Variants in GDF11 observed in about 807,000 individuals in gnomAD.
GDF11 encodes growth differentiation factor 11.
A neutral mutation model predicts 34.4 loss-of-function variants in GDF11; 12 were observed. That is an observed-to-expected ratio of 0.35 (90% confidence interval 0.22 to 0.57). GDF11 has a LOEUF of 0.57. GDF11 is among the 20% of genes least tolerant of loss of function. The pLI is 0.86. For missense variants in GDF11, 346 were observed against 548.2 expected (o/e 0.63, Z 3.68); for synonymous variants, 212 against 231.1 (o/e 0.92, Z 0.75).
rs1878260839 is a variant in GDF11 at position 55,749,625 on chromosome 12, G to C, written c.967G>C (p.Glu323Gln). Residue 323 changes from glutamate (E) to glutamine (Q), a missense_variant, in exon 3 of 3, where the codon GAG becomes CAG. Around this residue, in one of 3 missense-constraint regions of GDF11, gnomAD observed 205 missense variants for 311.3 expected, o/e 0.66. Transcript: ENST00000257868. The surrounding 1 kb of genome is among the most constrained non-coding windows in gnomAD (Gnocchi z 5.6). ...CCGATATCCCCTCACAGTGGACTTT[G>C]AGGCTTTCGGCTGGGACTGGATCAT... ...CCRYPLTVDF[E>Q]AFGWDWIIAP... 1.2e-6 allele frequency: 2 copies of C among 1,614,178 alleles called. No homozygotes were observed. The highest frequency in any genetic ancestry group is 1.7e-6 in the Non-Finnish European group (2 of 1,180,034).
At chr12:55,746,083 A>G (rs1878179885) in intron 1 of GDF11, among the ~76,000 whole-genome samples, 1 of 152,070 alleles carries the variant, frequency 6.6e-6, no homozygotes, top group African/African-American at 2.4e-5. Flanking sequence ...AGCGCCGCCT[A>G]CTAAACCTGA....
intron 1 of GDF11, among the ~76,000 whole-genome samples, chr12:55,745,979 T>A: frequency 6.6e-6 from 1 of 151,388 alleles, no homozygotes; most frequent in East Asian, 2.0e-4. Flanking sequence ...AGTGTGTGTG[T>A]TTGGGGGGGT....
rs1878485500 is a variant in GDF11, at chr12:55,755,698, G to C, written c.*5816G>C. ...AGTATGTGGAGAATGACTATAATGA[G>C]ATAGGAAGGGGAGGACTTCATCTGG... On this transcript the variant is annotated 3_prime_UTR_variant, in exon 3 of 3. Transcript: ENST00000257868. 6.6e-6 allele frequency: 1 copy of C among 152,048 alleles called. No homozygotes were observed. The highest frequency in any genetic ancestry group is 1.5e-5 in the Non-Finnish European group (1 of 68,036). 9.4% of individuals were successfully genotyped at this position (152,048 alleles called of 1,614,324 possible).
rs1162358307 is a variant in GDF11 at position 55,752,609 on chromosome 12, T to C, written c.*2727T>C. On this transcript the variant is annotated 3_prime_UTR_variant, in exon 3 of 3. Transcript: ENST00000257868. ...TGTAATTATCATTTATTTTGTGTAT[T>C]TGTCACATTGTGTGCATGACAGCCT... 6.6e-6 allele frequency: 1 copy of C among 152,174 alleles called. No homozygotes were observed. The allele number at this position is 152,174 out of a possible 1,614,324, so 9.4% of individuals were successfully genotyped here.
chr12:55,743,956 G>A (rs1878123210), intron 1 of GDF11, among the ~76,000 whole-genome samples, 195 bp downstream of exon 1: 1 of 152,214 alleles, frequency 6.6e-6, no homozygotes, highest in Admixed American at 6.5e-5. Flanking sequence ...TTGTATGCAC[G>A]CCTAGTTCCC....
chr12:55,746,678 C>T (rs1257553747), intron 1 of GDF11, among the ~76,000 whole-genome samples: 3 of 152,180 alleles, frequency 2.0e-5, no homozygotes, highest in African/African-American at 7.2e-5. Context: ...GTAGAGAATG[C>T]GAAAATAGTA....
rs1169819186 is a variant in GDF11, at chr12:55,748,139, A to C, written c.446-447A>C. 6.6e-6 allele frequency among the ~76,000 whole-genome samples: 1 copy of C among 152,134 alleles called. No homozygotes were observed. Among genetic ancestry groups the C allele is most frequent in the African/African-American group, 2.4e-5 (1 of 41,416 alleles). On this transcript the variant is annotated intron_variant, in intron 1 of 2. Coordinates refer to ENST00000257868, the MANE Select transcript of GDF11 (RefSeq NM_005811.5). This position sits in a 1 kb window ranked among gnomAD's most constrained non-coding sequence, Gnocchi z 5.6. Reference sequence around the variant, plus strand: ...ATCTGTGTTATTTTGTGGGGGAGGGATGTGCCAGGCTCTACCTGTCCAGCA... The same window carrying C: ...ATCTGTGTTATTTTGTGGGGGAGGGCTGTGCCAGGCTCTACCTGTCCAGCA...
At chr12:55,746,204 T>A (rs1480592532) in intron 1 of GDF11, among the ~76,000 whole-genome samples, 1 of 152,202 alleles carries the variant, frequency 6.6e-6, no homozygotes, top group Non-Finnish European at 1.5e-5. Flanking sequence ...CGTTTCCCTC[T>A]GTGGCTCTAC....
chr12:55,745,152 G>T (rs893804339), intron 1 of GDF11, among the ~76,000 whole-genome samples: 1 of 152,056 alleles, frequency 6.6e-6, no homozygotes, highest in African/African-American at 2.4e-5. Context: ...GGGGTAGGGG[G>T]TGGGGTTTCT....
rs1878465523 is a variant in GDF11 at position 55,755,129 on chromosome 12, C to T, written c.*5247C>T. 1 of 152,034 alleles carries T rather than the reference C, an allele frequency of 6.6e-6. No individual in the cohort carries two copies. The allele number at this position is 152,034 out of a possible 1,614,324, so 9.4% of individuals were successfully genotyped here. On this transcript the variant is annotated 3_prime_UTR_variant, in exon 3 of 3. Transcript: ENST00000257868. ...CAATAATCAGAAATAAGTGGCATTG[C>T]CAGAGGCCCTCATATAAGAGAACAG...
exon 3 of GDF11, chr12:55,757,261 AAC>A (rs1001542389): frequency 2.9e-5 from 10 of 349,370 alleles, no homozygotes; most frequent in Non-Finnish European, 4.2e-5. Flanking sequence ...CACCTAATAA[AAC>A]ACATTGTTCT....
Position 55,749,054 on chromosome 12 carries a change from G to A in GDF11, c.843+71G>A. 3 of 1,425,892 alleles carry A rather than the reference G, an allele frequency of 2.1e-6. No individual in the cohort carries two copies. Among genetic ancestry groups the A allele is most frequent in the South Asian group, 1.4e-5 (1 of 71,774 alleles). The allele number at this position is 1,425,892 out of a possible 1,614,324, so 88.3% of individuals were successfully genotyped here. On this transcript the variant is annotated intron_variant, in intron 2 of 2. Coordinates refer to ENST00000257868, the MANE Select transcript of GDF11 (RefSeq NM_005811.5). This position sits in a 1 kb window ranked among gnomAD's most constrained non-coding sequence, Gnocchi z 5.6. ...AGGAGATAGGGTTACATTGGAAAAG[G>A]TAGACAAGGAATGTGAAGGAGGTTG... is the stretch of plus-strand genomic sequence containing the variant.
At position 55,748,876 on chromosome 12, in the gene GDF11, A is replaced by G. The variant is rs1276082820; in HGVS notation, c.736A>G (p.Ser246Gly). 6.2e-7 allele frequency: 1 copy of G among 1,612,224 alleles called. No homozygotes were observed. Among genetic ancestry groups the G allele is most frequent in the South Asian group, 1.1e-5 (1 of 91,048 alleles). ...QSIDFKQVLH[S>G]WFRQPQSNWG... ...CATCGACTTCAAGCAAGTGCTACAC[A>G]GCTGGTTCCGCCAGCCACAGAGCAA... Residue 246 changes from serine (S) to glycine (G), a missense_variant, in exon 2 of 3, where the codon AGC becomes GGC. Transcript: ENST00000257868. The surrounding 1 kb of genome is among the most constrained non-coding windows in gnomAD (Gnocchi z 5.6).
Position 55,748,698 on chromosome 12 carries a change from T to C in GDF11, c.558T>C (p.Pro186=), listed in dbSNP as rs771966608. The C allele has an allele frequency of 2.5e-6, 4 of 1,614,242 alleles. No homozygotes were observed. The South Asian group carries it at 4.4e-5, about 18-fold the overall frequency. The change falls in exon 2 of 3, where the codon CCT becomes CCC. Residue 186 remains proline (P), a synonymous_variant. Transcript: ENST00000257868. This position sits in a 1 kb window ranked among gnomAD's most constrained non-coding sequence, Gnocchi z 5.6. ...LKAQLWVYLR[P]VPRPATVYLQ... Reference sequence around the variant, plus strand: ...CCCAGCTGTGGGTGTACCTACGGCCTGTACCCCGCCCAGCCACAGTCTACC... The same window carrying C: ...CCCAGCTGTGGGTGTACCTACGGCCCGTACCCCGCCCAGCCACAGTCTACC...
In GDF11 at chr12:55,743,136, G is replaced by GCCGC. The variant is rs1049202258; in HGVS notation, c.-170_-167dup. Reference sequence around the variant, plus strand: ...CGGGCCCCCCCAGCCGCCCGCCCCGGCCGCCCGCCCGCCCCGCCCGCGCGC... The same window carrying GCCGC: ...CGGGCCCCCCCAGCCGCCCGCCCCGGCCGCCCGCCCGCCCGCCCCGCCCGCGCGC... On this transcript the variant is annotated 5_prime_UTR_variant, in exon 1 of 3. Coordinates refer to ENST00000257868, the MANE Select transcript of GDF11 (RefSeq NM_005811.5). 7.6e-6 allele frequency: 1 copy of GCCGC among 131,282 alleles called. No homozygotes were observed. The highest frequency in any genetic ancestry group is 1.6e-5 in the Non-Finnish European group (1 of 60,964). 8.1% of individuals were successfully genotyped at this position (131,282 alleles called of 1,614,324 possible).
chr12:55,743,826 C>A (rs1301016749), intron 1 of GDF11, 65 bp downstream of exon 1: 1 of 1,329,104 alleles, frequency 7.5e-7, no homozygotes, highest in Non-Finnish European at 1.0e-6. Flanking sequence ...GCGCCTTCTG[C>A]TCCAAGCGGG....
Position 55,748,574 on chromosome 12 carries a change from C to G in GDF11, c.446-12C>G. On this transcript the variant is annotated splice_polypyrimidine_tract_variant and intron_variant, in intron 1 of 2. Transcript: ENST00000257868. The surrounding 1 kb of genome is among the most constrained non-coding windows in gnomAD (Gnocchi z 5.6). Reference sequence around the variant, plus strand: ...CACCCTTTGCTGATGCTGTGCCCTTCTCTCTTATCAGCGGACCCAGCAGTA... The same window carrying G: ...CACCCTTTGCTGATGCTGTGCCCTTGTCTCTTATCAGCGGACCCAGCAGTA... The G allele has an allele frequency of 6.3e-7, 1 of 1,593,628 alleles. No individual in the cohort carries two copies. The highest frequency in any genetic ancestry group is 8.6e-7 in the Non-Finnish European group (1 of 1,167,194).
chr12:55,743,583 C>A lies in GDF11; in HGVS notation c.267C>A (p.Leu89=), dbSNP rs1286255502. ...IKSQILSKLR[L]KEAPNISREV... ...CGCAGATCTTGAGCAAACTGCGGCT[C>A]AAGGAGGCGCCCAACATCAGCCGCG... Residue 89 remains leucine (L), a synonymous_variant, in exon 1 of 3, where the codon CTC becomes CTA. Coordinates refer to ENST00000257868, the MANE Select transcript of GDF11 (RefSeq NM_005811.5). 1 of 1,604,958 alleles carries A rather than the reference C, an allele frequency of 6.2e-7. No individual in the cohort carries two copies. The highest frequency in any genetic ancestry group is 8.5e-7 in the Non-Finnish European group (1 of 1,179,788).
At chr12:55,745,602 A>G (rs1878165450) in intron 1 of GDF11, among the ~76,000 whole-genome samples, 1 of 150,638 alleles carries the variant, frequency 6.6e-6, no homozygotes, top group African/African-American at 2.4e-5. Flanking sequence ...GAGGGGAGGG[A>G]GAGAGGGGAA....
Sources: allele counts gnomAD v4.1 joint callset (sites outside exome capture counted in the v4.1 genomes callset), GRCh38; gene constraint gnomAD v4.1.1; regional missense constraint gnomAD v4.1.1; non-coding constraint Gnocchi (gnomAD v3.1); transcripts MANE v1.5; gene names NCBI Gene and HGNC (gene_info 2026-07-23, HGNC 2026-07-21).